Variants in CTNNA3 observed in about 807,000 individuals in gnomAD.
CTNNA3 encodes the protein catenin alpha 3.
Under a neutral mutation model 95.7 loss-of-function variants are expected in CTNNA3, and 76 were observed. The observed-to-expected ratio is 0.79, with a 90% CI of 0.66 to 0.96. The LOEUF (loss-of-function observed/expected upper bound fraction) is 0.96, where lower values mean the gene tolerates loss of function less well. Among genes scored for constraint, CTNNA3 ranks in the 40% least tolerant of loss-of-function variants. CTNNA3 has a pLI of 0.00. For synonymous variants in CTNNA3, 431 were observed against 374.4 expected (o/e 1.15, Z -1.74); for missense variants, 1,191 against 1,089.8 (o/e 1.09, Z -1.31).
At position 66,129,319 on chromosome 10, in the gene CTNNA3, A is replaced by T. The variant is rs566723946; in HGVS notation, c.1885-26070T>A. On this transcript the variant is annotated intron_variant, in intron 13 of 17. Transcript: ENST00000433211. ...TTAAGGTACAGGCAAGCAGCAAGCT[A>T]CTCTCACATTGGGCCTCTGGAATAC... 2.6e-5 allele frequency among the ~76,000 whole-genome samples: 4 copies of T among 152,226 alleles called. No homozygotes were observed. In the South Asian group the frequency reaches 8.3e-4, roughly 32 times the overall value.
intron 5 of CTNNA3, among the ~76,000 whole-genome samples, chr10:67,442,181 T>C (rs1351940160): frequency 1.3e-5 from 2 of 152,024 alleles, no homozygotes; most frequent in Non-Finnish European, 2.9e-5. Context: ...AAGATAGTAT[T>C]TGCAAACTTC....
At chr10:66,770,031 T>C (rs999477925) in intron 8 of CTNNA3, among the ~76,000 whole-genome samples, 1 of 152,156 alleles carries the variant, frequency 6.6e-6, no homozygotes, top group Non-Finnish European at 1.5e-5. Context: ...GACTCCAATG[T>C]CTTATGTAAA....
intron 7 of CTNNA3, among the ~76,000 whole-genome samples, chr10:67,168,788 A>C (rs1033858189): frequency 1.3e-5 from 2 of 152,242 alleles, no homozygotes; most frequent in Non-Finnish European, 2.9e-5. Context: ...CAAAGCAATC[A>C]CGCAAGAGAA....
chr10:66,763,337 C>CAGAG (rs1204351413), intron 9 of CTNNA3, among the ~76,000 whole-genome samples: 39 of 126,630 alleles, frequency 3.1e-4, no homozygotes, highest in African/African-American at 1.0e-3. Flanking sequence ...CACACACACA[C>CAGAG]ACACAGAGAG....
chr10:66,344,565 C>G (rs924656793), intron 12 of CTNNA3, among the ~76,000 whole-genome samples: 4 of 151,982 alleles, frequency 2.6e-5, no homozygotes, highest in Non-Finnish European at 4.4e-5. Flanking sequence ...CTGGGCCCAG[C>G]CTGTAGTGTG....
intron 7 of CTNNA3, among the ~76,000 whole-genome samples, chr10:67,006,896 G>A (rs935693284): frequency 6.6e-6 from 1 of 151,854 alleles, no homozygotes; most frequent in Non-Finnish European, 1.5e-5. Context: ...CGGGTTCAAG[G>A]CATCCTCCTA....
chr10:66,098,396 C>A (rs1024538626), intron 14 of CTNNA3, among the ~76,000 whole-genome samples: 2 of 152,046 alleles, frequency 1.3e-5, no homozygotes, highest in Non-Finnish European at 2.9e-5. Flanking sequence ...TGTTTCATTT[C>A]CTAATTAGTA....
chr10:67,298,582 TC>T (rs1840137165), intron 5 of CTNNA3, among the ~76,000 whole-genome samples: 1 of 152,240 alleles, frequency 6.6e-6, no homozygotes, highest in Non-Finnish European at 1.5e-5. Context: ...TATTTGATGT[TC>T]TATTGGGTAT....
At chr10:66,265,319 C>T (rs1426740582) in intron 13 of CTNNA3, among the ~76,000 whole-genome samples, 1 of 151,924 alleles carries the variant, frequency 6.6e-6, no homozygotes, top group African/African-American at 2.4e-5. Context: ...GTGGTATTCT[C>T]CTTTATCACA....
chr10:67,162,924 C>G (rs78434656), intron 7 of CTNNA3, among the ~76,000 whole-genome samples: 1 of 151,862 alleles, frequency 6.6e-6, no homozygotes, highest in Non-Finnish European at 1.5e-5. Flanking sequence ...AAAGCTATCA[C>G]AACTAACTCA....
At chr10:66,430,777 T>C (rs1028732092) in intron 11 of CTNNA3, among the ~76,000 whole-genome samples, 2 of 152,176 alleles carry the variant, frequency 1.3e-5, no homozygotes, top group Non-Finnish European at 2.9e-5. Flanking sequence ...GACTTAAATG[T>C]CAGACCTAAA....
At chr10:66,337,317 CTACTTT>C (rs1009501702) in intron 12 of CTNNA3, among the ~76,000 whole-genome samples, 1 of 152,050 alleles carries the variant, frequency 6.6e-6, no homozygotes, top group Non-Finnish European at 1.5e-5. Flanking sequence ...CTTAGAATTA[CTACTTT>C]TAAGCATCTC....
chr10:66,040,003 G>A (rs755318537), intron 15 of CTNNA3, among the ~76,000 whole-genome samples: 3 of 151,892 alleles, frequency 2.0e-5, no homozygotes, highest in Admixed American at 1.3e-4. Context: ...CCATCTACAA[G>A]GAACTTAAGC....
At chr10:66,556,825 A>T (rs1327275008) in intron 10 of CTNNA3, among the ~76,000 whole-genome samples, 1 of 152,066 alleles carries the variant, frequency 6.6e-6, no homozygotes, top group Non-Finnish European at 1.5e-5. Context: ...TATAATTAAT[A>T]ATACTCTTTT....
At chr10:65,946,896 T>C (rs1277113154) in intron 17 of CTNNA3, among the ~76,000 whole-genome samples, 2 of 152,166 alleles carry the variant, frequency 1.3e-5, no homozygotes, top group African/African-American at 2.4e-5. Context: ...TGTACAGTAA[T>C]TGAATATTTC....
At chr10:66,488,074 T>C (rs1839801149) in intron 11 of CTNNA3, among the ~76,000 whole-genome samples, 1 of 152,164 alleles carries the variant, frequency 6.6e-6, no homozygotes, top group Non-Finnish European at 1.5e-5. Flanking sequence ...AAGTTTCCCT[T>C]CGAATTCTGC....
chr10:66,650,865 A>G (rs1015464237), intron 9 of CTNNA3, among the ~76,000 whole-genome samples: 4 of 152,138 alleles, frequency 2.6e-5, no homozygotes, highest in African/African-American at 9.7e-5. Flanking sequence ...GTGCAGACCC[A>G]AAGCAGACCC....
rs115124701 is a variant in CTNNA3, at chr10:66,730,451, C to T, written c.1281+35813G>A. Among the ~76,000 whole-genome samples, 247 of 152,230 alleles carry T rather than the reference C, an allele frequency of 1.6e-3. 1 individual carries two copies. Among genetic ancestry groups the T allele is most frequent in the African/African-American group, 5.6e-3 (231 of 41,532 alleles). Reference sequence around the variant, plus strand: ...GGGAACAACACACACTGGAGCCTGTCGGCATGGGGTGGGGACAGGGAGTGC... The same window carrying T: ...GGGAACAACACACACTGGAGCCTGTTGGCATGGGGTGGGGACAGGGAGTGC... On this transcript the variant is annotated intron_variant, in intron 9 of 17. Coordinates refer to ENST00000433211, the MANE Select transcript of CTNNA3 (RefSeq NM_013266.4).
intron 13 of CTNNA3, among the ~76,000 whole-genome samples, chr10:66,130,795 G>T (rs2083055245): frequency 6.6e-6 from 1 of 150,392 alleles, no homozygotes; most frequent in South Asian, 2.1e-4. Context: ...GGTGGAGGTT[G>T]CAGTAAGCCC....
Sources: allele counts gnomAD v4.1 joint callset (sites outside exome capture counted in the v4.1 genomes callset), GRCh38; gene constraint gnomAD v4.1.1; transcripts MANE v1.5; gene names NCBI Gene and HGNC (gene_info 2026-07-23, HGNC 2026-07-21).